The following EIF3H variants were observed in gnomAD, a reference collection of about 807,000 sequenced individuals.
The protein encoded by EIF3H is eukaryotic translation initiation factor 3 subunit H.
In EIF3H, 26 loss-of-function variants were observed where a neutral mutation model predicts 44.2. The observed-to-expected ratio is 0.59, with a 90% CI of 0.43 to 0.82. EIF3H has a LOEUF of 0.82. Among genes scored for constraint, EIF3H ranks in the 40% least tolerant of loss-of-function variants. The probability of loss-of-function intolerance (pLI) is 0.00; values close to 1 mark genes in which losing one functional copy is unlikely to be tolerated. For missense variants in EIF3H, 359 were observed against 432.8 expected (o/e 0.83, Z 1.51); for synonymous variants, 166 against 151.9 (o/e 1.09, Z -0.68).
In EIF3H at chr8:116,643,873, G is replaced by A. The variant is rs1813259053; in HGVS notation, c.*1133C>T. The A allele has an allele frequency of 3.3e-5, 5 of 152,112 alleles. No homozygotes were observed. The South Asian group carries it at 1.0e-3, about 32-fold the overall frequency. The allele number at this position is 152,112 out of a possible 1,614,324, so 9.4% of individuals were successfully genotyped here. On this transcript the variant is annotated 3_prime_UTR_variant, in exon 8 of 8. Coordinates refer to ENST00000521861, the MANE Select transcript of EIF3H (RefSeq NM_003756.3). Reference sequence around the variant, plus strand: ...CCAGCTGGCAGATCTCACTGATTTTGGTGATGCACAAACAGCAAAATCTGT... The same window carrying A: ...CCAGCTGGCAGATCTCACTGATTTTAGTGATGCACAAACAGCAAAATCTGT...
intron 1 of EIF3H, among the ~76,000 whole-genome samples, chr8:116,752,735 G>GGAA (rs1554603845): frequency 1.4e-5 from 1 of 70,788 alleles, no homozygotes; most frequent in Non-Finnish European, 2.7e-5. Context: ...AAAGAAAGAA[G>GGAA]AGAAAGAAAG....
At chr8:116,680,755 CT>C in intron 2 of EIF3H, among the ~76,000 whole-genome samples, 1 of 146,046 alleles carries the variant, frequency 6.8e-6, no homozygotes, top group Non-Finnish European at 1.5e-5. Flanking sequence ...ATCTACTGAC[CT>C]TCCCTCCACT....
chr8:116,755,754 G>A lies in EIF3H; in HGVS notation c.44C>T (p.Ser15Phe), dbSNP rs748427508. ...KEGTGSTATSSSSTAGAAGKG... is the reference protein window; with the variant it reads ...KEGTGSTATSFSSTAGAAGKG... ...CCCTGCTGCGCCGGCGGTGGAGCTG[G>A]AAGAGGTGGCAGTAGAGCCGGTACC... The change falls in exon 1 of 8, where the codon TCC becomes TTC. Residue 15 changes from serine to phenylalanine, a missense_variant. Ser to Phe is a radical substitution (Grantham distance 155, BLOSUM62 -2). Around this residue, in one of 5 missense-constraint regions of EIF3H, gnomAD observed 59 missense variants for 33.5 expected, o/e 1.76. Transcript: ENST00000521861. 6.2e-7 allele frequency: 1 copy of A among 1,614,166 alleles called. No homozygotes were observed. Among genetic ancestry groups the A allele is most frequent in the Non-Finnish European group, 8.5e-7 (1 of 1,180,038 alleles).
chr8:116,649,944 G>A (rs1019804522), intron 5 of EIF3H, among the ~76,000 whole-genome samples: 2 of 152,206 alleles, frequency 1.3e-5, no homozygotes, highest in Non-Finnish European at 1.5e-5. Context: ...GAATGCCTGA[G>A]ATGGGCAAGA....
chr8:116,722,354 G>T (rs1814764968), intron 2 of EIF3H, among the ~76,000 whole-genome samples: 2 of 152,032 alleles, frequency 1.3e-5, no homozygotes, highest in South Asian at 4.1e-4. Flanking sequence ...CTTTTTCTTT[G>T]TAAGTTAGCC....
chr8:116,668,382 G>A (rs1455904378), intron 2 of EIF3H, among the ~76,000 whole-genome samples: 1 of 152,146 alleles, frequency 6.6e-6, no homozygotes, highest in African/African-American at 2.4e-5. Context: ...CAAGGTTTTT[G>A]CTTTCTTATT....
chr8:116,760,277 C>T (rs185042471), upstream of EIF3H, among the ~76,000 whole-genome samples: 6 of 152,272 alleles, frequency 3.9e-5, no homozygotes, highest in Non-Finnish European at 8.8e-5. Context: ...AAACCTCTCC[C>T]CCAGTCATAG....
At chr8:116,649,184 AGGAAC>A (rs1203045601) in intron 5 of EIF3H, among the ~76,000 whole-genome samples, 1 of 152,238 alleles carries the variant, frequency 6.6e-6, no homozygotes, top group African/African-American at 2.4e-5. Context: ...ATGTTAGGGT[AGGAAC>A]TGTTAAACAT....
Position 116,755,750 on chromosome 8 carries a change from G to A in EIF3H, c.48C>T (p.Ser16=), listed in dbSNP as rs755153218. The part of the protein sequence containing the change: ...EGTGSTATSS[S]STAGAAGKGK... Reference sequence around the variant, plus strand: ...CTTTCCCTGCTGCGCCGGCGGTGGAGCTGGAAGAGGTGGCAGTAGAGCCGG... The same window carrying A: ...CTTTCCCTGCTGCGCCGGCGGTGGAACTGGAAGAGGTGGCAGTAGAGCCGG... Residue 16 remains serine (S), a synonymous_variant, in exon 1 of 8, where the codon AGC becomes AGT. Transcript: ENST00000521861. 3.1e-6 allele frequency: 5 copies of A among 1,614,138 alleles called. No homozygotes were observed. The highest frequency in any genetic ancestry group is 4.2e-6 in the Non-Finnish European group (5 of 1,180,028).
rs182564186 is a variant in EIF3H at position 116,664,893 on chromosome 8, G to T, written c.290-5913C>A. On this transcript the variant is annotated intron_variant, in intron 2 of 7. Transcript: ENST00000521861. ...AAAATAAACACAGCCTGTAGGGAAA[G>T]AGTAGAGCTAGGCACAGAGAAAGAA... Among the ~76,000 whole-genome samples, 94 of 152,290 alleles carry T rather than the reference G, an allele frequency of 6.2e-4. 1 individual carries two copies. The East Asian group carries it at 0.017, about 28-fold the overall frequency.
intron 1 of EIF3H, among the ~76,000 whole-genome samples, chr8:116,752,724 G>GAAAGAGAA (rs1554603836): frequency 5.0e-5 from 6 of 120,488 alleles, no homozygotes; most frequent in Non-Finnish European, 8.5e-5. Flanking sequence ...AAGAAAGAAA[G>GAAAGAGAA]AAAGAAAGAA....
chr8:116,688,034 T>C (rs1814106910), intron 2 of EIF3H, among the ~76,000 whole-genome samples: 1 of 152,144 alleles, frequency 6.6e-6, no homozygotes, highest in Admixed American at 6.6e-5. Context: ...AAAAATCATA[T>C]TGAACAGTCC....
intron 2 of EIF3H, among the ~76,000 whole-genome samples, chr8:116,661,392 C>A (rs2130799083): frequency 6.6e-6 from 1 of 152,230 alleles, no homozygotes; most frequent in South Asian, 2.1e-4. Context: ...TTGGAGTCTG[C>A]CAACTTATAA....
intron 2 of EIF3H, among the ~76,000 whole-genome samples, chr8:116,711,676 C>T (rs565932149): frequency 6.6e-6 from 1 of 152,168 alleles, no homozygotes; most frequent in Non-Finnish European, 1.5e-5. Flanking sequence ...CTTTGAATTA[C>T]AAACTTGGAG....
chr8:116,754,301 CG>C (rs796236347), intron 1 of EIF3H, among the ~76,000 whole-genome samples: 7 of 152,064 alleles, frequency 4.6e-5, no homozygotes, highest in African/African-American at 1.7e-4. Context: ...TTAGTAGAGA[CG>C]GGGTTTCACC....
At position 116,644,996 on chromosome 8, in the gene EIF3H, C is replaced by T. The variant is rs1262448466; in HGVS notation, c.*10G>A. ...TTCATGTTAACTTCTTTTCTGGAAA[C>T]TTCCTTTTCTTAGTTGTTGTATTCT... On this transcript the variant is annotated 3_prime_UTR_variant, in exon 8 of 8. Transcript: ENST00000521861. The T allele has an allele frequency of 6.2e-7, 1 of 1,610,752 alleles. No homozygotes were observed. The highest frequency in any genetic ancestry group is 2.2e-5 in the East Asian group (1 of 44,846).
chr8:116,758,063 G>A (rs2131006077), upstream of EIF3H, among the ~76,000 whole-genome samples: 1 of 152,216 alleles, frequency 6.6e-6, no homozygotes, highest in South Asian at 2.1e-4. Flanking sequence ...GAAAACAATT[G>A]GATGAATGAA....
In EIF3H at chr8:116,685,454, G is replaced by A. The variant is rs566304574; in HGVS notation, c.290-26474C>T. ...AACAGTTTTATAATAAGTATACTTCGGTTCAGAACACGTAGCTGTTCAATA... is the reference window on the plus strand; with the variant it reads ...AACAGTTTTATAATAAGTATACTTCAGTTCAGAACACGTAGCTGTTCAATA... On this transcript the variant is annotated intron_variant, in intron 2 of 7. Coordinates refer to ENST00000521861, the MANE Select transcript of EIF3H (RefSeq NM_003756.3). Among the ~76,000 whole-genome samples, 16 of 152,218 alleles carry A rather than the reference G, an allele frequency of 1.1e-4. No homozygotes were observed. The South Asian group carries it at 2.3e-3, about 22-fold the overall frequency.
intron 1 of EIF3H, among the ~76,000 whole-genome samples, chr8:116,752,036 C>T (rs985646498): frequency 6.6e-6 from 1 of 152,014 alleles, no homozygotes; most frequent in Non-Finnish European, 1.5e-5. Context: ...CCAATATGCA[C>T]AGATGGAGAA....
Sources: gnomAD v4.1 joint callset for allele counts (sites outside exome capture counted in the v4.1 genomes callset) on GRCh38, gnomAD v4.1.1 for gene constraint, gnomAD v4.1.1 regional missense constraint, MANE v1.5 for transcripts, NCBI Gene and HGNC (gene_info 2026-07-23, HGNC 2026-07-21) for gene names.